The following DGKI variants were observed in gnomAD, a reference collection of about 807,000 sequenced individuals.
The protein encoded by DGKI is DAG kinase iota.
Under a neutral mutation model 147.5 loss-of-function variants are expected in DGKI, and 55 were observed. The ratio of observed to expected loss-of-function variants is 0.37; its 90% CI spans 0.30 to 0.47. DGKI has a LOEUF of 0.47. Ranked by LOEUF, DGKI falls within the 20% of genes least tolerant of loss-of-function variation. The pLI is 1.00. For missense variants in DGKI, 1,007 were observed against 1,323.8 expected (o/e 0.76, Z 3.71); for synonymous variants, 469 against 477.1 (o/e 0.98, Z 0.22).
chr7:137,724,428 G>C (rs924412902), intron 1 of DGKI, among the ~76,000 whole-genome samples: 7 of 152,204 alleles, frequency 4.6e-5, no homozygotes, highest in Non-Finnish European at 7.3e-5. Context: ...GGTATAACTA[G>C]AGAAATCATT....
intron 14 of DGKI, among the ~76,000 whole-genome samples, chr7:137,582,333 T>C (rs1343742480): frequency 1.3e-5 from 2 of 152,106 alleles, no homozygotes; most frequent in Non-Finnish European, 2.9e-5. Flanking sequence ...TCAGTGGATG[T>C]GCGTTTTTCA....
chr7:137,503,193 T>C (rs1433829244), intron 21 of DGKI, among the ~76,000 whole-genome samples: 1 of 152,186 alleles, frequency 6.6e-6, no homozygotes, highest in African/African-American at 2.4e-5. Flanking sequence ...TAACCTTGTC[T>C]GTAATTTAGG....
chr7:137,453,275 C>G (rs1431646117), intron 27 of DGKI: 1 of 152,166 alleles, frequency 6.6e-6, no homozygotes, highest in Non-Finnish European at 1.5e-5. Context: ...GGTGCATTGC[C>G]TATCCTGGAG....
chr7:137,543,491 T>G (rs902921276), intron 20 of DGKI, among the ~76,000 whole-genome samples: 3 of 152,146 alleles, frequency 2.0e-5, no homozygotes, highest in Non-Finnish European at 4.4e-5. Context: ...ATACATTGCA[T>G]TGTTACCACC....
chr7:137,758,314 G>A (rs561945318), intron 1 of DGKI, among the ~76,000 whole-genome samples: 25 of 152,302 alleles, frequency 1.6e-4, no homozygotes, highest in Non-Finnish European at 2.8e-4. Flanking sequence ...TGTAGGCAAC[G>A]AAGTAGTAGT....
At chr7:137,399,226 T>C (rs1385902731) in intron 30 of DGKI, among the ~76,000 whole-genome samples, 1 of 152,164 alleles carries the variant, frequency 6.6e-6, no homozygotes, top group Non-Finnish European at 1.5e-5. Context: ...CCTCATACTA[T>C]GTATTTGCTT....
chr7:137,706,072 G>A (rs1373443465), intron 1 of DGKI, among the ~76,000 whole-genome samples: 1 of 151,806 alleles, frequency 6.6e-6, no homozygotes, highest in Non-Finnish European at 1.5e-5. Context: ...TCACCACCCA[G>A]ATTAGCAAAT....
intron 1 of DGKI, among the ~76,000 whole-genome samples, chr7:137,785,530 G>A (rs1301821104): frequency 6.6e-6 from 1 of 151,696 alleles, no homozygotes. Context: ...ATTCACAGCT[G>A]AATTCTATCA....
chr7:137,749,269 G>A lies in DGKI; in HGVS notation c.402-59267C>T, dbSNP rs1349511511. ...TCTTTAATTGAAAAAGGCAAGGGCA[G>A]CACCCTAAAACAAGGTGAGGACCAG... On this transcript the variant is annotated intron_variant, in intron 1 of 32. Coordinates refer to ENST00000614521, the MANE Select transcript of DGKI (RefSeq NM_001321708.2). Among the ~76,000 whole-genome samples, 3 of 152,146 alleles carry A rather than the reference G, an allele frequency of 2.0e-5. No homozygotes were observed. In the East Asian group the frequency reaches 5.8e-4, roughly 29 times the overall value.
intron 1 of DGKI, among the ~76,000 whole-genome samples, chr7:137,760,160 C>A (rs992094790): frequency 6.6e-6 from 1 of 152,108 alleles, no homozygotes; most frequent in Admixed American, 6.5e-5. Flanking sequence ...TTCCTGCGGG[C>A]CCTCTCCTTT....
intron 20 of DGKI, among the ~76,000 whole-genome samples, chr7:137,538,632 C>A (rs1430583042): frequency 2.0e-5 from 3 of 152,136 alleles, no homozygotes; most frequent in Non-Finnish European, 2.9e-5. Context: ...AGCTATGACA[C>A]TCGCTGAGTC....
chr7:137,499,962 A>G (rs28491569), intron 21 of DGKI, among the ~76,000 whole-genome samples: 1 of 152,054 alleles, frequency 6.6e-6, no homozygotes, highest in Non-Finnish European at 1.5e-5. Flanking sequence ...ACCAGACCCA[A>G]CCATGCCGGC....
intron 19 of DGKI, among the ~76,000 whole-genome samples, chr7:137,564,455 T>A (rs933691689): frequency 6.6e-6 from 1 of 152,090 alleles, no homozygotes; most frequent in Non-Finnish European, 1.5e-5. Flanking sequence ...CAAAAAGAAT[T>A]TATTTTTAAT....
At chr7:137,579,437 A>T (rs1275216116) in intron 15 of DGKI, among the ~76,000 whole-genome samples, 1 of 87,900 alleles carries the variant, frequency 1.1e-5, no homozygotes, top group African/African-American at 9.1e-5. Flanking sequence ...CAGAAACAGT[A>T]AAAAAAAAAA....
intron 1 of DGKI, among the ~76,000 whole-genome samples, chr7:137,741,206 G>C (rs1041717125): frequency 1.3e-5 from 2 of 152,056 alleles, no homozygotes; most frequent in Admixed American, 6.5e-5. Context: ...GCAATGTCTA[G>C]CTGAAACATC....
At chr7:137,590,398 G>C (rs893810069) in intron 12 of DGKI, among the ~76,000 whole-genome samples, 5 of 152,270 alleles carry the variant, frequency 3.3e-5, no homozygotes, top group South Asian at 2.1e-4. Context: ...ATCTCCCCAG[G>C]GTGGAGCCAT....
At chr7:137,786,807 C>G (rs989198922) in intron 1 of DGKI, among the ~76,000 whole-genome samples, 2 of 152,012 alleles carry the variant, frequency 1.3e-5, no homozygotes, top group Non-Finnish European at 1.5e-5. Context: ...ATAGAGAACC[C>G]AGAAATAAAG....
intron 14 of DGKI, among the ~76,000 whole-genome samples, chr7:137,582,691 CT>C (rs1819246875): frequency 6.6e-6 from 1 of 152,064 alleles, no homozygotes; most frequent in South Asian, 2.1e-4. Flanking sequence ...GGGTCTCTGG[CT>C]GTTACCACTG....
Position 137,385,394 on chromosome 7 carries a change from AT to A in DGKI, c.*5825del, listed in dbSNP as rs1245342040. ...TGCCATTCAACAAAGCCATTAAAAA[AT>A]ATCTTTTGAAAAATCACAGCATCTA... On this transcript the variant is annotated 3_prime_UTR_variant, in exon 33 of 33. Coordinates refer to ENST00000614521, the MANE Select transcript of DGKI (RefSeq NM_001321708.2). The A allele has an allele frequency of 6.6e-6, 1 of 152,132 alleles. No homozygotes were observed. The highest frequency in any genetic ancestry group is 6.6e-5 in the Admixed American group (1 of 15,248). The allele number at this position is 152,132 out of a possible 1,614,324, so 9.4% of individuals were successfully genotyped here. A position where few individuals can be genotyped will look rare whatever the true frequency, so the allele number is the denominator to read the frequency against.
Sources: gnomAD v4.1 joint callset for allele counts (sites outside exome capture counted in the v4.1 genomes callset) on GRCh38, gnomAD v4.1.1 for gene constraint, MANE v1.5 for transcripts, NCBI Gene and HGNC (gene_info 2026-07-23, HGNC 2026-07-21) for gene names.